Variants in CCDC33 observed in about 807,000 individuals in gnomAD.
CCDC33 encodes the protein coiled-coil domain-containing protein 33.
In CCDC33, 94 loss-of-function variants were observed where a neutral mutation model predicts 91.9. The ratio of observed to expected loss-of-function variants is 1.02; its 90% CI spans 0.87 to 1.21. The LOEUF is 1.21. CCDC33 is among the 50% of genes most tolerant of loss of function. The probability of loss-of-function intolerance (pLI) is 0.00; values close to 1 mark genes in which losing one functional copy is unlikely to be tolerated. For synonymous variants in CCDC33, 396 were observed against 374.5 expected (o/e 1.06, Z -0.66); for missense variants, 940 against 935.5 (o/e 1.00, Z -0.06).
chr15:74,234,286 C>T (rs1380176315), upstream of CCDC33, among the ~76,000 whole-genome samples: 1 of 152,242 alleles, frequency 6.6e-6, no homozygotes, highest in Non-Finnish European at 1.5e-5. Flanking sequence ...TATCTATTAG[C>T]TGTGAGATTA....
chr15:74,296,005 G>A, intron 11 of CCDC33, 57 bp downstream of exon 11: 2 of 1,445,376 alleles, frequency 1.4e-6, no homozygotes, highest in African/African-American at 2.8e-5. Flanking sequence ...CATGGGAAGG[G>A]GACTTGACTG....
chr15:74,236,124 G>A (rs752767666), upstream of CCDC33, among the ~76,000 whole-genome samples: 5 of 152,242 alleles, frequency 3.3e-5, no homozygotes, highest in Non-Finnish European at 7.3e-5. Flanking sequence ...ACACCACAGG[G>A]TTGGTGGAGA....
intron 6 of CCDC33, 36 bp downstream of exon 6, chr15:74,271,830 C>G: frequency 6.4e-7 from 1 of 1,568,140 alleles, no homozygotes; most frequent in Non-Finnish European, 8.8e-7. Flanking sequence ...GTGAGGAGGG[C>G]AGAGCAGAGG....
Position 74,271,694 on chromosome 15 carries a change from C to T in CCDC33, c.547-9C>T, listed in dbSNP as rs754149192. On this transcript the variant is annotated splice_polypyrimidine_tract_variant and intron_variant, in intron 5 of 18. Transcript: ENST00000398814. Reference sequence around the variant, plus strand: ...GGTGTTCACCTGCCTCCTCTCCTCTCCTCTCCAGATCTTTCTCCGGGGAGT... The same window carrying T: ...GGTGTTCACCTGCCTCCTCTCCTCTTCTCTCCAGATCTTTCTCCGGGGAGT... 6 of 1,610,690 alleles carry T rather than the reference C, an allele frequency of 3.7e-6. No homozygotes were observed. Among genetic ancestry groups the T allele is most frequent in the Non-Finnish European group, 5.1e-6 (6 of 1,177,138 alleles).
chr15:74,211,359 A>C (rs1435133115), intron 2 of CCDC33, among the ~76,000 whole-genome samples: 1 of 146,964 alleles, frequency 6.8e-6, no homozygotes, highest in Non-Finnish European at 1.5e-5. Context: ...ACCCCTGCCT[A>C]CTGCTGGGTC....
intron 11 of CCDC33, among the ~76,000 whole-genome samples, chr15:74,305,518 A>T (rs1274617514): frequency 6.6e-6 from 1 of 152,158 alleles, no homozygotes; most frequent in Non-Finnish European, 1.5e-5. Flanking sequence ...AGCATCACCC[A>T]GGGGCTAAGG....
chr15:74,292,275 C>T (rs1467679872), intron 10 of CCDC33, among the ~76,000 whole-genome samples: 1 of 152,194 alleles, frequency 6.6e-6, no homozygotes, highest in African/African-American at 2.4e-5. Context: ...TCCCATCCTC[C>T]ACCCTGACTC....
intron 7 of CCDC33, among the ~76,000 whole-genome samples, chr15:74,279,311 CTT>C (rs1169661994): frequency 1.3e-5 from 2 of 152,058 alleles, no homozygotes; most frequent in Non-Finnish European, 2.9e-5. Context: ...CTTTCTGTGA[CTT>C]TGGATCTGCT....
At chr15:74,320,527 G>A (rs2060186053) in intron 11 of CCDC33, among the ~76,000 whole-genome samples, 1 of 152,088 alleles carries the variant, frequency 6.6e-6, no homozygotes, top group South Asian at 2.1e-4. Flanking sequence ...GAGCTTAGGG[G>A]TACAAACAGC....
chr15:74,247,367 TATATAC>T (rs1457816636), intron 2 of CCDC33, among the ~76,000 whole-genome samples: 906 of 53,984 alleles, frequency 0.017, 11 homozygotes, highest in African/African-American at 0.028. Context: ...CATATATATA[TATATAC>T]ACACACACAC....
Position 74,262,523 on chromosome 15 carries a change from G to T in CCDC33, c.269G>T (p.Trp90Leu). 6.2e-7 allele frequency: 1 copy of T among 1,613,844 alleles called. No individual in the cohort carries two copies. The highest frequency in any genetic ancestry group is 8.5e-7 in the Non-Finnish European group (1 of 1,179,918). Residue 90 changes from tryptophan (W) to leucine (L), a missense_variant, in exon 3 of 19, where the codon TGG (tryptophan) becomes TTG (leucine). Transcript: ENST00000398814. ...VTSEPTRAPI[W>L]GDTVNVEIQA... Reference sequence around the variant, plus strand: ...TCAGAGCCCACCAGAGCCCCTATCTGGGGGGACACGGTGAATGTGGAGATC... The same window carrying T: ...TCAGAGCCCACCAGAGCCCCTATCTTGGGGGACACGGTGAATGTGGAGATC...
At chr15:74,259,617 A>G (rs1304717400) in intron 2 of CCDC33, among the ~76,000 whole-genome samples, 3 of 152,010 alleles carry the variant, frequency 2.0e-5, no homozygotes, top group African/African-American at 7.2e-5. Flanking sequence ...GGAGGTGGGG[A>G]AAATAGTTGC....
intron 10 of CCDC33, among the ~76,000 whole-genome samples, chr15:74,285,822 A>G (rs750859096): frequency 2.0e-5 from 3 of 152,322 alleles, no homozygotes; most frequent in Non-Finnish European, 2.9e-5. Context: ...GTGAGTACGT[A>G]TATGAACACA....
chr15:74,222,776 A>ACCCCCCCCCCCCCCCCCCCCCCCCC (rs1567213553), intron 2 of CCDC33, among the ~76,000 whole-genome samples: 1 of 124,708 alleles, frequency 8.0e-6, no homozygotes, highest in African/African-American at 3.1e-5. Flanking sequence ...GGCCACCCCT[A>ACCCCCCCCCCCCCCCCCCCCCCCCC]CCCCCATCCC....
chr15:74,231,634 G>T (rs1005832972), upstream of CCDC33, among the ~76,000 whole-genome samples: 3 of 152,190 alleles, frequency 2.0e-5, no homozygotes, highest in Non-Finnish European at 4.4e-5. Context: ...GAGCCAGCAG[G>T]CCTGGAGTCA....
At chr15:74,271,852 G>T in intron 6 of CCDC33, 58 bp downstream of exon 6, 2 of 1,453,152 alleles carry the variant, frequency 1.4e-6, no homozygotes, top group Non-Finnish European at 1.9e-6. Context: ...CAGAGGAGGG[G>T]GTGAGGCTGT....
chr15:74,298,408 G>A (rs954430282), intron 11 of CCDC33, among the ~76,000 whole-genome samples: 1 of 152,146 alleles, frequency 6.6e-6, no homozygotes, highest in Non-Finnish European at 1.5e-5. Context: ...ACATCTGAAA[G>A]AATATTAGAA....
intron 2 of CCDC33, among the ~76,000 whole-genome samples, chr15:74,248,978 T>C (rs1337398471): frequency 6.6e-6 from 1 of 152,128 alleles, no homozygotes; most frequent in Non-Finnish European, 1.5e-5. Flanking sequence ...CAAAGTGCCT[T>C]AAATCAGCTT....
upstream of CCDC33, among the ~76,000 whole-genome samples, chr15:74,233,497 G>A (rs2075049821): frequency 6.6e-6 from 1 of 152,218 alleles, no homozygotes. Context: ...CTCAGCCTCA[G>A]GAGTTTCTGC....
Sources: allele counts gnomAD v4.1 joint callset (sites outside exome capture counted in the v4.1 genomes callset), GRCh38; gene constraint gnomAD v4.1.1; transcripts MANE v1.5; gene names NCBI Gene and HGNC (gene_info 2026-07-23, HGNC 2026-07-21).